Variants in RASA1 observed in about 807,000 individuals in gnomAD.
The protein encoded by RASA1 is RAS p21 protein activator 1, also known as ras GTPase-activating protein 1.
A neutral mutation model predicts 132.2 loss-of-function variants in RASA1; 25 were observed. The ratio of observed to expected loss-of-function variants is 0.19; its 90% CI spans 0.14 to 0.26. The LOEUF (loss-of-function observed/expected upper bound fraction) is 0.26. RASA1 is among the 10% of genes least tolerant of loss of function. The pLI, the probability that RASA1 is intolerant of heterozygous loss-of-function variation, is 1.00. For missense variants in RASA1, 964 were observed against 1,299.2 expected (o/e 0.74, Z 3.97); for synonymous variants, 477 against 449.9 (o/e 1.06, Z -0.76).
intron 1 of RASA1, among the ~76,000 whole-genome samples, chr5:87,303,486 T>A (rs1755469598): frequency 6.6e-6 from 1 of 152,116 alleles, no homozygotes; most frequent in African/African-American, 2.4e-5. Flanking sequence ...CAAGCATAAC[T>A]TCAGCTACGT....
chr5:87,345,380 A>G (rs1758785417), intron 6 of RASA1, among the ~76,000 whole-genome samples: 1 of 152,138 alleles, frequency 6.6e-6, no homozygotes, highest in Non-Finnish European at 1.5e-5. Flanking sequence ...TTCAAACTGT[A>G]GAAGTAGAGG....
chr5:87,280,639 C>A (rs1248058022), intron 1 of RASA1, among the ~76,000 whole-genome samples: 1 of 152,120 alleles, frequency 6.6e-6, no homozygotes. Context: ...GTGCTTTTTC[C>A]ATCTGTATAC....
chr5:87,295,261 A>G lies in RASA1; in HGVS notation c.539+26271A>G, dbSNP rs192528617. On this transcript the variant is annotated intron_variant, in intron 1 of 24. Coordinates refer to ENST00000274376, the MANE Select transcript of RASA1 (RefSeq NM_002890.3). ...TTTAAAATGAGTTTCTTGTTCATATAGTAGGATCTTGTTTTTTGGTCTACT... is the reference window on the plus strand; with the variant it reads ...TTTAAAATGAGTTTCTTGTTCATATGGTAGGATCTTGTTTTTTGGTCTACT... Among the ~76,000 whole-genome samples, 378 of 152,110 alleles carry G rather than the reference A, an allele frequency of 2.5e-3. 1 individual carries two copies. Among genetic ancestry groups the G allele is most frequent in the African/African-American group, 8.6e-3 (357 of 41,538 alleles).
intron 1 of RASA1, among the ~76,000 whole-genome samples, chr5:87,300,216 AAAT>A: frequency 6.6e-6 from 1 of 152,256 alleles, no homozygotes; most frequent in African/African-American, 2.4e-5. Flanking sequence ...CAAAAAATAA[AAAT>A]AAAAAGTTTA....
chr5:87,388,906 A>G (rs1385467484), intron 23 of RASA1, among the ~76,000 whole-genome samples: 1 of 152,142 alleles, frequency 6.6e-6, no homozygotes, highest in Non-Finnish European at 1.5e-5. Context: ...TACAAAGCTA[A>G]TTGTTAGGAA....
chr5:87,380,641 A>G (rs764690498), intron 20 of RASA1, 46 bp downstream of exon 20: 2 of 1,476,450 alleles, frequency 1.4e-6, no homozygotes, highest in Admixed American at 1.7e-5. Context: ...TAATAGGTGG[A>G]TAATTGTGAA....
At chr5:87,279,220 G>C (rs900291131) in intron 1 of RASA1, among the ~76,000 whole-genome samples, 2 of 152,166 alleles carry the variant, frequency 1.3e-5, no homozygotes, top group African/African-American at 4.8e-5. Context: ...TCCAGCCTGG[G>C]TGACAGAATG....
chr5:87,388,810 A>G (rs775629420), intron 23 of RASA1, among the ~76,000 whole-genome samples: 1 of 152,190 alleles, frequency 6.6e-6, no homozygotes, highest in Admixed American at 6.5e-5. Flanking sequence ...ATGAAATTTC[A>G]TCTAGGAATT....
intron 1 of RASA1, among the ~76,000 whole-genome samples, chr5:87,311,459 A>G (rs1755906639): frequency 6.6e-6 from 1 of 152,350 alleles, no homozygotes; most frequent in African/African-American, 2.4e-5. Context: ...CTAACAGAAC[A>G]TGGCAAAACT....
In RASA1 at chr5:87,278,449, G is replaced by A. The variant is rs545951147; in HGVS notation, c.539+9459G>A. Among the ~76,000 whole-genome samples, 3 of 151,798 alleles carry A rather than the reference G, an allele frequency of 2.0e-5. No homozygotes were observed. In the South Asian group the frequency reaches 6.3e-4, roughly 32 times the overall value. On this transcript the variant is annotated intron_variant, in intron 1 of 24. Coordinates refer to ENST00000274376, the MANE Select transcript of RASA1 (RefSeq NM_002890.3). ...GGGTGCCTGCTACTCGGGAGGCTGAGACAGGAGAATGGCGTGAACCTGGGA... is the reference window on the plus strand; with the variant it reads ...GGGTGCCTGCTACTCGGGAGGCTGAAACAGGAGAATGGCGTGAACCTGGGA...
intron 15 of RASA1, among the ~76,000 whole-genome samples, chr5:87,375,379 G>A (rs1761255310): frequency 6.6e-6 from 1 of 151,750 alleles, no homozygotes; most frequent in Admixed American, 6.6e-5. Flanking sequence ...TCCTGCCTCA[G>A]CCTCCTGAGT....
intron 1 of RASA1, among the ~76,000 whole-genome samples, chr5:87,324,415 A>G (rs1757066402): frequency 6.6e-6 from 1 of 152,176 alleles, no homozygotes; most frequent in Admixed American, 6.5e-5. Context: ...AAACTTCACA[A>G]TCATGGTTGA....
intron 20 of RASA1, among the ~76,000 whole-genome samples, chr5:87,381,005 A>G (rs1391085413): frequency 6.6e-6 from 1 of 152,234 alleles, no homozygotes; most frequent in Non-Finnish European, 1.5e-5. Flanking sequence ...AATCAGAACC[A>G]GAACATGTAG....
At chr5:87,373,166 C>T (rs1761070287) in intron 13 of RASA1, among the ~76,000 whole-genome samples, 1 of 152,050 alleles carries the variant, frequency 6.6e-6, no homozygotes, top group African/African-American at 2.4e-5. Context: ...TATCAGTGGG[C>T]AGTGTGATTT....
chr5:87,331,076 C>A, intron 1 of RASA1: 1 of 1,037,722 alleles, frequency 9.6e-7, no homozygotes, highest in African/African-American at 1.6e-5. Context: ...AGCAGGCAAT[C>A]CTGGAAGTAG....
rs761098191 is a variant in RASA1, at chr5:87,303,929, G to GTT, written c.540-27418_540-27417dup. Among the ~76,000 whole-genome samples the GTT allele has an allele frequency of 1.2e-3, 188 of 151,302 alleles. 2 individuals are homozygous for GTT. Among genetic ancestry groups the GTT allele is most frequent in the East Asian group, 5.8e-4 (3 of 5,156 alleles). On this transcript the variant is annotated intron_variant, in intron 1 of 24. Transcript: ENST00000274376. The stretch of plus-strand genomic sequence containing the variant: ...GCTCACTGCAAACTGCACCTCCTGG[G>GTT]TTCAAGTGATTCTCCTGCCTCAGCC...
intron 1 of RASA1, among the ~76,000 whole-genome samples, chr5:87,311,119 T>TC (rs1755884363): frequency 6.6e-6 from 1 of 152,188 alleles, no homozygotes; most frequent in Non-Finnish European, 1.5e-5. Flanking sequence ...GATTATTGAG[T>TC]CGATATCTGA....
At chr5:87,329,326 C>T (rs561668541) in intron 1 of RASA1, among the ~76,000 whole-genome samples, 22 of 150,832 alleles carry the variant, frequency 1.5e-4, no homozygotes, top group Non-Finnish European at 1.9e-4. Context: ...TCTGCAGTCT[C>T]GGCTACTTGG....
chr5:87,372,267 T>A, intron 13 of RASA1, 72 bp downstream of exon 13: 1 of 1,398,426 alleles, frequency 7.2e-7, no homozygotes. Flanking sequence ...TATTTTATTT[T>A]TATCTGAACT....
Sources: gnomAD v4.1 joint callset for allele counts (sites outside exome capture counted in the v4.1 genomes callset) on GRCh38, gnomAD v4.1.1 for gene constraint, MANE v1.5 for transcripts, NCBI Gene and HGNC (gene_info 2026-07-23, HGNC 2026-07-21) for gene names.